Variants in PLAGL1 observed in about 807,000 individuals in gnomAD.
The protein encoded by PLAGL1 is zinc finger protein PLAGL1.
In PLAGL1, 1 loss-of-function variant was observed where a neutral mutation model predicts 4.6. The observed-to-expected ratio is 0.22, with a 90% CI of 0.08 to 1.03. PLAGL1 has a LOEUF of 1.03. Among genes scored for constraint, PLAGL1 ranks in the 50% least tolerant of loss-of-function variants. PLAGL1 has a pLI of 0.58. For synonymous variants in PLAGL1, 240 were observed against 237.8 expected, an observed-to-expected ratio of 1.01 and a Z score of -0.08; for missense variants, 464 against 570.4, an observed-to-expected ratio of 0.81 and a Z score of 1.90.
chr6:143,976,447 CTT>C (rs1315758963), intron 2 of PLAGL1, among the ~76,000 whole-genome samples: 7 of 151,928 alleles, frequency 4.6e-5, no homozygotes, highest in Non-Finnish European at 8.8e-5. Flanking sequence ...TGAAGCCACT[CTT>C]GTTTGACTTA....
chr6:144,009,411 G>A (rs1794962378), upstream of PLAGL1, among the ~76,000 whole-genome samples: 1 of 152,168 alleles, frequency 6.6e-6, no homozygotes, highest in Admixed American at 6.5e-5. Context: ...CCATGTTTGA[G>A]AAGATCTGGT....
chr6:143,975,929 T>A lies in PLAGL1; in HGVS notation c.-543-6951A>T, dbSNP rs1207724935. Among the ~76,000 whole-genome samples, 2 of 152,228 alleles carry A rather than the reference T, an allele frequency of 1.3e-5. No homozygotes were observed. The highest frequency in any genetic ancestry group is 2.9e-5 in the Non-Finnish European group (2 of 68,042). ...AAAATACACACAGGGATATCTGTTG[T>A]CTGTAGATAGTGCTTTCATGTTTTC... On this transcript the variant is annotated intron_variant, in intron 2 of 7. Coordinates refer to ENST00000674357, the MANE Select transcript of PLAGL1 (RefSeq NM_001317162.2). This position sits in a 1 kb window ranked among gnomAD's most constrained non-coding sequence, Gnocchi z 5.8.
chr6:144,001,511 C>T (rs1183702637), intron 1 of PLAGL1, among the ~76,000 whole-genome samples: 1 of 152,094 alleles, frequency 6.6e-6, no homozygotes, highest in Non-Finnish European at 1.5e-5. Flanking sequence ...TTGGACAAAA[C>T]TTTAAAGAGA....
chr6:143,975,891 C>T lies in PLAGL1; in HGVS notation c.-543-6913G>A, dbSNP rs1161102716. ...AAAAGAAGAAATTCACAGACTGTTA[C>T]CACTTGAAGAGAAAAATACACACAG... On this transcript the variant is annotated intron_variant, in intron 2 of 7. Coordinates refer to ENST00000674357, the MANE Select transcript of PLAGL1 (RefSeq NM_001317162.2). This position sits in a 1 kb window ranked among gnomAD's most constrained non-coding sequence, Gnocchi z 5.8. Among the ~76,000 whole-genome samples, 2 of 152,126 alleles carry T rather than the reference C, an allele frequency of 1.3e-5. No individual in the cohort carries two copies. Among genetic ancestry groups the T allele is most frequent in the African/African-American group, 4.8e-5 (2 of 41,412 alleles).
rs1798748803 is a variant in PLAGL1, at chr6:144,053,786, T to C, written c.-151+10682A>G. Among the ~76,000 whole-genome samples the C allele has an allele frequency of 6.6e-6, 1 of 152,190 alleles. No homozygotes were observed. Among genetic ancestry groups the C allele is most frequent in the Admixed American group, 6.5e-5 (1 of 15,286 alleles). On this transcript the variant is annotated intron_variant, in intron 1 of 3. Transcript: ENST00000437412. This position sits in a 1 kb window ranked among gnomAD's most constrained non-coding sequence, Gnocchi z 4.0. ...GGTATTCTTGCCCAGTGAACATAGT[T>C]ATAACCTCGAGATCCTTATCAGCAC...
intron 1 of PLAGL1, among the ~76,000 whole-genome samples, chr6:144,044,681 C>G (rs1412496507): frequency 1.3e-5 from 2 of 152,164 alleles, no homozygotes; most frequent in Non-Finnish European, 2.9e-5. Flanking sequence ...CTGTAGATGT[C>G]TATTAGGTCC....
chr6:144,024,848 C>T (rs1451379076), intron 1 of PLAGL1, among the ~76,000 whole-genome samples: 2 of 152,102 alleles, frequency 1.3e-5, no homozygotes, highest in East Asian at 3.8e-4. Context: ...AAATAAATAT[C>T]CATGTATATC....
Position 143,975,225 on chromosome 6 carries a change from A to G in PLAGL1, c.-543-6247T>C, listed in dbSNP as rs1248008544. 6.6e-6 allele frequency among the ~76,000 whole-genome samples: 1 copy of G among 152,206 alleles called. No homozygotes were observed. Among genetic ancestry groups the G allele is most frequent in the African/African-American group, 2.4e-5 (1 of 41,454 alleles). ...ATCATTCACTGGAGTTCTCTCACCAAGGTTATATTAAATAAGTCATCCTAG... is the reference window on the plus strand; with the variant it reads ...ATCATTCACTGGAGTTCTCTCACCAGGGTTATATTAAATAAGTCATCCTAG... On this transcript the variant is annotated intron_variant, in intron 2 of 7. Transcript: ENST00000674357. The surrounding 1 kb of genome is among the most constrained non-coding windows in gnomAD (Gnocchi z 5.8).
At chr6:143,999,767 G>A (rs1180698961) in intron 1 of PLAGL1, among the ~76,000 whole-genome samples, 8 of 152,076 alleles carry the variant, frequency 5.3e-5, no homozygotes, top group Non-Finnish European at 1.0e-4. Flanking sequence ...GGTTACTTTC[G>A]AGTGCAAGAT....
rs1306708124 is a variant in PLAGL1, at chr6:143,968,850, C to T, written c.-472+57G>A. ...AGAGAATAAGAATACAGAGCCATGA[C>T]TGATGGCAGGAGCACTGGGGGGCAG... On this transcript the variant is annotated intron_variant, in intron 3 of 7. Coordinates refer to ENST00000674357, the MANE Select transcript of PLAGL1 (RefSeq NM_001317162.2). The surrounding 1 kb of genome is among the most constrained non-coding windows in gnomAD (Gnocchi z 6.3). The T allele has an allele frequency of 6.6e-6, 1 of 152,358 alleles. No individual in the cohort carries two copies. The highest frequency in any genetic ancestry group is 1.5e-5 in the Non-Finnish European group (1 of 68,172). The allele number at this position is 152,358 out of a possible 1,614,324, so 9.4% of individuals were successfully genotyped here.
intron 1 of PLAGL1, among the ~76,000 whole-genome samples, chr6:144,051,497 C>T (rs1798582287): frequency 1.3e-5 from 2 of 152,146 alleles, no homozygotes; most frequent in African/African-American, 2.4e-5. Flanking sequence ...TTATTGGATG[C>T]CCTTTAAACC....
intron 1 of PLAGL1, among the ~76,000 whole-genome samples, chr6:144,041,082 A>G (rs78267970): frequency 0.026 from 3,887 of 152,212 alleles, 180 homozygotes; most frequent in African/African-American, 0.09. Context: ...CTGAGGGGTG[A>G]AGACCAATGG....
chr6:144,058,363 C>G (rs1033960372), intron 1 of PLAGL1, among the ~76,000 whole-genome samples: 3 of 152,206 alleles, frequency 2.0e-5, no homozygotes, highest in African/African-American at 7.2e-5. Flanking sequence ...TCATCTCTCA[C>G]CAGGCCCCAC....
At chr6:143,967,021 C>T (rs1784547148) in intron 3 of PLAGL1, 1 of 152,106 alleles carries the variant, frequency 6.6e-6, no homozygotes, top group South Asian at 2.1e-4. Context: ...AAAAACCAAC[C>T]AGCTGGTAGT....
intron 1 of PLAGL1, among the ~76,000 whole-genome samples, chr6:144,019,747 A>G (rs1348793214): frequency 6.6e-6 from 1 of 150,734 alleles, no homozygotes; most frequent in Non-Finnish European, 1.5e-5. Flanking sequence ...CTGTTCTTCC[A>G]GCTTTTTGTT....
chr6:143,942,414 C>T lies in PLAGL1; in HGVS notation c.402G>A (p.Val134=). 1 of 1,614,170 alleles carries T rather than the reference C, an allele frequency of 6.2e-7. No individual in the cohort carries two copies. Among genetic ancestry groups the T allele is most frequent in the Non-Finnish European group, 8.5e-7 (1 of 1,180,020 alleles). Residue 134 remains valine, a synonymous_variant, in exon 8 of 8, where the codon GTG becomes GTA. Coordinates refer to ENST00000674357, the MANE Select transcript of PLAGL1 (RefSeq NM_001317162.2). The surrounding 1 kb of genome is among the most constrained non-coding windows in gnomAD (Gnocchi z 7.6). The part of the protein sequence containing the change: ...VCALELGSTE[V]LLDHLKAHAE... ...CATGGGCTTTGAGGTGGTCCAGTAGCACCTCGGTGCTCCCTAGCTCCAGGG... is the reference window on the plus strand; with the variant it reads ...CATGGGCTTTGAGGTGGTCCAGTAGTACCTCGGTGCTCCCTAGCTCCAGGG...
intron 1 of PLAGL1, chr6:144,007,479 G>A (rs1794491717): frequency 6.6e-6 from 1 of 152,118 alleles, no homozygotes; most frequent in African/African-American, 2.4e-5. Context: ...CATTTGATGA[G>A]AAAAAATATT....
chr6:144,022,035 G>A lies in PLAGL1; in HGVS notation c.-151+42433C>T, dbSNP rs115680625. 3.1e-3 allele frequency among the ~76,000 whole-genome samples: 472 copies of A among 152,322 alleles called. 2 individuals are homozygous for A. The highest frequency in any genetic ancestry group is 0.011 in the African/African-American group (453 of 41,574). On this transcript the variant is annotated intron_variant, in intron 1 of 3. Coordinates refer to the PLAGL1 transcript ENST00000437412. The surrounding 1 kb of genome is among the most constrained non-coding windows in gnomAD (Gnocchi z 4.2). The stretch of plus-strand genomic sequence containing the variant: ...GAGGTGATCCAACTCTCCTACCTCA[G>A]GCAGTTGCAGGGCTTTGAACCAGAG...
At chr6:143,969,602 T>C (rs139414764) in intron 2 of PLAGL1, among the ~76,000 whole-genome samples, 5 of 151,146 alleles carry the variant, frequency 3.3e-5, no homozygotes, top group East Asian at 2.0e-4. Flanking sequence ...CTGGGCAACA[T>C]AGCAGGACTC....
Sources: gnomAD v4.1 joint callset for allele counts (sites outside exome capture counted in the v4.1 genomes callset) on GRCh38, gnomAD v4.1.1 for gene constraint, Gnocchi (gnomAD v3.1) non-coding constraint, MANE v1.5 for transcripts, NCBI Gene and HGNC (gene_info 2026-07-23, HGNC 2026-07-21) for gene names.